Variants in NLGN1 observed in about 807,000 individuals in gnomAD.
NLGN1 encodes the protein neuroligin-1.
In NLGN1, 12 loss-of-function variants were observed where a neutral mutation model predicts 65.5. The observed-to-expected ratio is 0.18, with a 90% CI of 0.12 to 0.30. The LOEUF is 0.30. Ranked by LOEUF, NLGN1 falls within the 10% of genes least tolerant of loss-of-function variation. The pLI, the probability that NLGN1 is intolerant of heterozygous loss-of-function variation, is 1.00. For missense variants in NLGN1, 750 were observed against 1,007.1 expected, an observed-to-expected ratio of 0.74 and a Z score of 3.46; for synonymous variants, 350 against 359.5, an observed-to-expected ratio of 0.97 and a Z score of 0.30.
intron 4 of NLGN1, among the ~76,000 whole-genome samples, chr3:174,122,902 A>C (rs1234193721): frequency 2.0e-5 from 3 of 152,042 alleles, no homozygotes; most frequent in Non-Finnish European, 4.4e-5. Context: ...TTTGTTAATA[A>C]AAATAAAATG....
intron 4 of NLGN1, among the ~76,000 whole-genome samples, chr3:174,021,953 G>A (rs181306805): frequency 1.3e-5 from 2 of 152,278 alleles, no homozygotes; most frequent in East Asian, 3.9e-4. Flanking sequence ...AGACACAGAA[G>A]TGAGATTCTT....
At chr3:173,534,849 C>G (rs971276752) in intron 2 of NLGN1, among the ~76,000 whole-genome samples, 1 of 152,182 alleles carries the variant, frequency 6.6e-6, no homozygotes, top group African/African-American at 2.4e-5. Context: ...TCTGGTGGAG[C>G]TCCCCACCCC....
At chr3:174,289,801 T>C (rs1328132003), downstream of NLGN1, among the ~76,000 whole-genome samples, 1 of 150,368 alleles carries the variant, frequency 6.7e-6, no homozygotes, top group Non-Finnish European at 1.5e-5. Context: ...CCCAGAGACA[T>C]TGACTCTCAC....
At chr3:173,461,287 A>G (rs1020138164) in intron 2 of NLGN1, among the ~76,000 whole-genome samples, 4 of 152,106 alleles carry the variant, frequency 2.6e-5, no homozygotes, top group Non-Finnish European at 5.9e-5. Context: ...CTAGCCAAAC[A>G]TGTGGTTATC....
intron 3 of NLGN1, among the ~76,000 whole-genome samples, chr3:173,645,116 A>C (rs760542122): frequency 5.6e-4 from 85 of 152,306 alleles, no homozygotes; most frequent in Non-Finnish European, 1.0e-3. Context: ...ATCTGGATTT[A>C]GTTGGACTTT....
At chr3:174,073,387 G>A (rs1317504547) in intron 4 of NLGN1, among the ~76,000 whole-genome samples, 2 of 151,638 alleles carry the variant, frequency 1.3e-5, no homozygotes, top group African/African-American at 2.4e-5. Context: ...GAATTTTGGC[G>A]GGGGGGCACT....
At chr3:173,876,789 G>C (rs1352667312) in intron 4 of NLGN1, among the ~76,000 whole-genome samples, 1 of 152,012 alleles carries the variant, frequency 6.6e-6, no homozygotes, top group African/African-American at 2.4e-5. Context: ...GAAAATTTTG[G>C]ATTAAACTCA....
chr3:173,481,402 A>G (rs930886251), intron 2 of NLGN1, among the ~76,000 whole-genome samples: 10 of 152,004 alleles, frequency 6.6e-5, no homozygotes, highest in Non-Finnish European at 1.0e-4. Context: ...ATTTTGGTCT[A>G]CTTCCTTCCA....
At chr3:173,485,316 T>C (rs10490866) in intron 2 of NLGN1, among the ~76,000 whole-genome samples, 25,493 of 151,884 alleles carry the variant, frequency 0.17, 2,229 homozygotes, top group Middle Eastern at 0.27. Context: ...ACCATATTAG[T>C]GACTTTAGCC....
At chr3:173,427,778 G>A (rs1256362816) in intron 1 of NLGN1, among the ~76,000 whole-genome samples, 1 of 151,024 alleles carries the variant, frequency 6.6e-6, no homozygotes, top group Non-Finnish European at 1.5e-5. Flanking sequence ...AAAATAATAT[G>A]TATTCTTCAG....
intron 4 of NLGN1, among the ~76,000 whole-genome samples, chr3:174,077,648 CG>C (rs1741290126): frequency 6.6e-6 from 1 of 152,052 alleles, no homozygotes; most frequent in Non-Finnish European, 1.5e-5. Flanking sequence ...CTCCGCCTCC[CG>C]GGTTCAAGCA....
At chr3:173,539,458 T>C (rs1185694675) in intron 2 of NLGN1, among the ~76,000 whole-genome samples, 2 of 145,790 alleles carry the variant, frequency 1.4e-5, no homozygotes, top group African/African-American at 5.0e-5. Context: ...TATACATACA[T>C]GTACATATGT....
chr3:173,999,280 A>G (rs1174401302), intron 4 of NLGN1, among the ~76,000 whole-genome samples: 1 of 152,132 alleles, frequency 6.6e-6, no homozygotes, highest in Non-Finnish European at 1.5e-5. Flanking sequence ...ACACAAGAAC[A>G]ATTTGCCCCA....
intron 1 of NLGN1, among the ~76,000 whole-genome samples, chr3:173,432,327 C>T (rs1717335951): frequency 6.6e-6 from 1 of 152,140 alleles, no homozygotes; most frequent in South Asian, 2.1e-4. Context: ...GATGCTATAC[C>T]ATTTGTATTT....
intron 4 of NLGN1, among the ~76,000 whole-genome samples, chr3:174,245,356 T>C (rs1413872448): frequency 6.6e-6 from 1 of 152,182 alleles, no homozygotes; most frequent in Non-Finnish European, 1.5e-5. Context: ...TCTTTCTAGA[T>C]TGTGGGGAAG....
intron 1 of NLGN1, among the ~76,000 whole-genome samples, chr3:173,406,207 A>G (rs1329139228): frequency 6.6e-6 from 1 of 152,050 alleles, no homozygotes; most frequent in Non-Finnish European, 1.5e-5. Context: ...AAAGATTACT[A>G]AATAAATCAC....
intron 4 of NLGN1, among the ~76,000 whole-genome samples, chr3:173,958,669 G>A (rs1438338051): frequency 1.3e-5 from 2 of 152,164 alleles, no homozygotes; most frequent in African/African-American, 2.4e-5. Flanking sequence ...CTGGCAGCCT[G>A]GCCCCCAAGA....
chr3:173,457,205 A>T (rs1454501039), intron 2 of NLGN1, among the ~76,000 whole-genome samples: 1 of 152,072 alleles, frequency 6.6e-6, no homozygotes, highest in African/African-American at 2.4e-5. Context: ...TATCATTATT[A>T]TCATCACAGT....
chr3:174,230,559 A>G (rs1297734515), intron 4 of NLGN1, among the ~76,000 whole-genome samples: 2 of 152,194 alleles, frequency 1.3e-5, no homozygotes, highest in African/African-American at 4.8e-5. Context: ...AATAGGAAAA[A>G]AGATTTATGC....
Sources: allele counts gnomAD v4.1 joint callset (sites outside exome capture counted in the v4.1 genomes callset), GRCh38; gene constraint gnomAD v4.1.1; transcripts MANE v1.5; gene names NCBI Gene and HGNC (gene_info 2026-07-23, HGNC 2026-07-21).